TBC1D15: variants seen among roughly 807,000 people sequenced by gnomAD.
The protein encoded by TBC1D15 is TBC1 domain family member 15, also known as GAP for RAB7.
TBC1D15 carries 39 observed loss-of-function variants against 95.4 expected under a neutral mutation model. That is an observed-to-expected ratio of 0.41 (90% CI 0.32 to 0.53). TBC1D15 has a LOEUF of 0.53. Ranked by LOEUF, TBC1D15 falls within the 20% of genes least tolerant of loss-of-function variation. TBC1D15 has a pLI of 0.29. For missense variants in TBC1D15, 733 were observed against 794.3 expected (o/e 0.92, Z 0.93); for synonymous variants, 258 against 261.3 (o/e 0.99, Z 0.12).
At position 71,896,085 on chromosome 12, in the gene TBC1D15, A is replaced by G; in HGVS notation, c.984+10A>G. 3 of 1,602,094 alleles carry G rather than the reference A, an allele frequency of 1.9e-6. No individual in the cohort carries two copies. Among genetic ancestry groups the G allele is most frequent in the Non-Finnish European group, 2.6e-6 (3 of 1,171,340 alleles). On this transcript the variant is annotated intron_variant, in intron 8 of 16. Transcript: ENST00000485960. ...GATGATATTTAGAGGGGTAATTTAA[A>G]CACTCTAATATGGCTTGTCTTATAA...
At chr12:71,872,905 A>G in intron 2 of TBC1D15, 24 bp from the exon 3 acceptor site, 2 of 1,521,698 alleles carry the variant, frequency 1.3e-6, no homozygotes, top group East Asian at 4.5e-5. Flanking sequence ...AATATTAAAT[A>G]TAGTTCATAA....
intron 1 of TBC1D15, among the ~76,000 whole-genome samples, chr12:71,848,875 GA>G (rs1469261892): frequency 6.6e-6 from 1 of 152,080 alleles, no homozygotes; most frequent in Non-Finnish European, 1.5e-5. Flanking sequence ...CATTCAGCCT[GA>G]AATTATACTT....
intron 1 of TBC1D15, among the ~76,000 whole-genome samples, chr12:71,842,298 A>T (rs1404640257): frequency 6.6e-6 from 1 of 152,178 alleles, no homozygotes; most frequent in Non-Finnish European, 1.5e-5. Context: ...AATTATCTCC[A>T]CACATTTACA....
chr12:71,849,368 A>G lies in TBC1D15; in HGVS notation c.30+9557A>G, dbSNP rs912639301. On this transcript the variant is annotated intron_variant, in intron 1 of 16. Coordinates refer to ENST00000485960, the MANE Select transcript of TBC1D15 (RefSeq NM_001146213.3). ...GGAGCTTCTAGCTGTTGTCCAAGGAATGAAAGCAGGCGCCTCCAGCTGAGC... is the reference window on the plus strand; with the variant it reads ...GGAGCTTCTAGCTGTTGTCCAAGGAGTGAAAGCAGGCGCCTCCAGCTGAGC... 3 of 1,392,110 alleles carry G rather than the reference A, an allele frequency of 2.2e-6. No homozygotes were observed. In the African/African-American group the frequency reaches 4.3e-5, roughly 20 times the overall value. The allele number at this position is 1,392,110 out of a possible 1,614,324, so 86.2% of individuals were successfully genotyped here. A position where few individuals can be genotyped will look rare whatever the true frequency, so the allele number is the denominator to read the frequency against.
chr12:71,845,413 G>T (rs1318255631), intron 1 of TBC1D15, among the ~76,000 whole-genome samples: 1 of 152,204 alleles, frequency 6.6e-6, no homozygotes, highest in Non-Finnish European at 1.5e-5. Flanking sequence ...GAAGGTTCGA[G>T]GGACTTAGGT....
intron 10 of TBC1D15, among the ~76,000 whole-genome samples, chr12:71,900,895 C>A (rs957148279): frequency 7.9e-5 from 12 of 152,102 alleles, no homozygotes. Context: ...TCTCTTACCA[C>A]TCCTGTTCAG....
chr12:71,884,809 A>G lies in TBC1D15; in HGVS notation c.344-2A>G. ...ATTTTGCCCCACTTTCTTGTTTTTA[A>G]GATGCTCCAAGTCATAGAAATGGGA... On this transcript the variant is annotated splice_acceptor_variant, in intron 4 of 16. Transcript: ENST00000485960. LOFTEE classifies it high-confidence loss of function. 6.2e-7 allele frequency: 1 copy of G among 1,613,852 alleles called. No homozygotes were observed. The highest frequency in any genetic ancestry group is 8.5e-7 in the Non-Finnish European group (1 of 1,179,850).
chr12:71,892,507 A>G (rs1897366469), intron 5 of TBC1D15, among the ~76,000 whole-genome samples: 1 of 152,038 alleles, frequency 6.6e-6, no homozygotes, highest in Admixed American at 6.6e-5. Context: ...AATTTGTCAG[A>G]TGACTAGAAA....
intron 15 of TBC1D15, 146 bp downstream of exon 15, chr12:71,920,993 A>T: frequency 1.6e-6 from 1 of 618,532 alleles, no homozygotes; most frequent in Admixed American, 3.2e-5. Context: ...CTATCTGAGA[A>T]TGACAGTTCA....
chr12:71,850,220 G>A (rs755700322), intron 1 of TBC1D15: 1 of 563,928 alleles, frequency 1.8e-6, no homozygotes, highest in Non-Finnish European at 3.4e-6. Context: ...CCTAACTCTT[G>A]GTATAACTCA....
chr12:71,869,396 G>A (rs765718534), intron 1 of TBC1D15, among the ~76,000 whole-genome samples: 6 of 152,126 alleles, frequency 3.9e-5, no homozygotes, highest in Non-Finnish European at 8.8e-5. Flanking sequence ...GGTGGTGCAT[G>A]CTTGTAATCC....
rs562687698 is a variant in TBC1D15 at position 71,842,827 on chromosome 12, T to G, written c.30+3016T>G. Among the ~76,000 whole-genome samples, 972 of 114,612 alleles carry G rather than the reference T, an allele frequency of 8.5e-3. 4 individuals are homozygous for G. The highest frequency in any genetic ancestry group is 0.016 in the Admixed American group (166 of 10,506). 75.2% of individuals were successfully genotyped at this position (114,612 alleles called of 152,430 possible). ...GCTTGGGTGACAGACCAAGACCCTGTCTCAAAAAAAAAAAAAAAAAAAGAA... is the reference window on the plus strand; with the variant it reads ...GCTTGGGTGACAGACCAAGACCCTGGCTCAAAAAAAAAAAAAAAAAAAGAA... On this transcript the variant is annotated intron_variant, in intron 1 of 16. Coordinates refer to ENST00000485960, the MANE Select transcript of TBC1D15 (RefSeq NM_001146213.3).
At chr12:71,880,330 A>T (rs1894883110) in intron 3 of TBC1D15, 139 bp from the exon 4 acceptor site, 2 of 575,230 alleles carry the variant, frequency 3.5e-6, no homozygotes, top group African/African-American at 3.9e-5. Flanking sequence ...CAAGAGAGAA[A>T]AGTATAGGAA....
At chr12:71,877,512 C>CT in intron 3 of TBC1D15, among the ~76,000 whole-genome samples, 1 of 106,050 alleles carries the variant, frequency 9.4e-6, no homozygotes, top group Non-Finnish European at 1.8e-5. Flanking sequence ...TCCTTCCTTC[C>CT]TTCCTTCCTT....
intron 3 of TBC1D15, among the ~76,000 whole-genome samples, chr12:71,874,342 T>A (rs12581839): frequency 0.086 from 13,146 of 152,262 alleles, 645 homozygotes; most frequent in South Asian, 0.15. Flanking sequence ...ATGACTAATG[T>A]TGTTGAACAT....
At chr12:71,850,984 C>CAAAAAA (rs1206992856) in intron 1 of TBC1D15, among the ~76,000 whole-genome samples, 2,431 of 46,872 alleles carry the variant, frequency 0.052, 117 homozygotes, top group Non-Finnish European at 0.08. Flanking sequence ...CACTCCATCT[C>CAAAAAA]AAAAAAAAAA....
chr12:71,887,213 G>T (rs1896400209), intron 5 of TBC1D15, among the ~76,000 whole-genome samples: 1 of 151,992 alleles, frequency 6.6e-6, no homozygotes, highest in African/African-American at 2.4e-5. Context: ...ATTTTTACTT[G>T]ATCAACTATC....
chr12:71,885,313 G>A (rs1424309873), intron 5 of TBC1D15, among the ~76,000 whole-genome samples: 1 of 152,142 alleles, frequency 6.6e-6, no homozygotes, highest in Non-Finnish European at 1.5e-5. Context: ...TATGGCCTAT[G>A]TGTTTACCTA....
rs990356743 is a variant in TBC1D15, at chr12:71,923,849, A to G, written c.*645A>G. 1 of 152,590 alleles carries G rather than the reference A, an allele frequency of 6.6e-6. No homozygotes were observed. Among genetic ancestry groups the G allele is most frequent in the Non-Finnish European group, 1.5e-5 (1 of 68,022 alleles). 9.5% of individuals were successfully genotyped at this position (152,590 alleles called of 1,614,324 possible). On this transcript the variant is annotated 3_prime_UTR_variant, in exon 17 of 17. Transcript: ENST00000485960. The stretch of plus-strand genomic sequence containing the variant: ...TATATATAAGTACTTATTTATGAGT[A>G]TAAGAAAGGTTAGGCATATTTTCAT...
Sources: allele counts gnomAD v4.1 joint callset (sites outside exome capture counted in the v4.1 genomes callset), GRCh38; gene constraint gnomAD v4.1.1; transcripts MANE v1.5; gene names NCBI Gene and HGNC (gene_info 2026-07-23, HGNC 2026-07-21).